DDI2: variants seen among roughly 807,000 people sequenced by gnomAD.
The protein encoded by DDI2 is protein DDI1 homolog 2.
In DDI2, 5 loss-of-function variants were observed where a neutral mutation model predicts 48.1. The ratio of observed to expected loss-of-function variants is 0.10; its 90% CI spans 0.05 to 0.22. The LOEUF is 0.22. Among genes scored for constraint, DDI2 ranks in the 10% least tolerant of loss-of-function variants. DDI2 has a pLI of 1.00. For missense variants in DDI2, 285 were observed against 506.2 expected (o/e 0.56, Z 4.19); for synonymous variants, 205 against 183.6 (o/e 1.12, Z -0.94).
chr1:15,630,555 G>C lies in DDI2; in HGVS notation c.499G>C (p.Asp167His). ...PPLAEALLSGDLEKFSRVLVE... is the reference protein window; with the variant it reads ...PPLAEALLSGHLEKFSRVLVE... ...CCTGGCAGAAGCTCTGCTCAGTGGA[G>C]ACCTTGGTAAGCTTATAAATTTGGA... Residue 167 changes from aspartate to histidine, a missense_variant, in exon 3 of 10, where the codon GAC (aspartate) becomes CAC (histidine). By Grantham distance (81) the Asp-to-His change is moderately conservative. Transcript: ENST00000480945. The C allele has an allele frequency of 6.2e-7, 1 of 1,610,884 alleles. No homozygotes were observed. Among genetic ancestry groups the C allele is most frequent in the South Asian group, 1.1e-5 (1 of 90,976 alleles).
intron 1 of DDI2, among the ~76,000 whole-genome samples, chr1:15,625,232 C>A (rs1474719212): frequency 3.9e-5 from 6 of 152,166 alleles, no homozygotes; most frequent in Admixed American, 3.9e-4. Flanking sequence ...CACCTGCTTG[C>A]TTGACACATG....
intron 9 of DDI2, among the ~76,000 whole-genome samples, chr1:15,657,222 A>C (rs1245526552): frequency 1.3e-5 from 2 of 152,188 alleles, no homozygotes; most frequent in Non-Finnish European, 2.9e-5. Context: ...GGCCTGACAG[A>C]TTTTCAGGAA....
intron 4 of DDI2, among the ~76,000 whole-genome samples, chr1:15,635,397 A>G (rs574952715): frequency 4.6e-5 from 7 of 152,122 alleles, no homozygotes; most frequent in African/African-American, 7.2e-5. Context: ...AGGGTGACAC[A>G]TCTATTCTCT....
At position 15,667,720 on chromosome 1, in the gene DDI2, T is replaced by C. The variant is rs1404740058; in HGVS notation, c.*7930T>C. The C allele has an allele frequency of 6.6e-6, 1 of 152,238 alleles. No homozygotes were observed. The highest frequency in any genetic ancestry group is 1.5e-5 in the Non-Finnish European group (1 of 68,038). 9.4% of individuals were successfully genotyped at this position (152,238 alleles called of 1,614,324 possible). A position where few individuals can be genotyped will look rare whatever the true frequency, so the allele number is the denominator to read the frequency against. On this transcript the variant is annotated 3_prime_UTR_variant, in exon 10 of 10. Transcript: ENST00000480945. Reference sequence around the variant, plus strand: ...GTTATTTTAAATGCCACATATATGTTGTAATGCTGAAGCATACAGGTAGAA... The same window carrying C: ...GTTATTTTAAATGCCACATATATGTCGTAATGCTGAAGCATACAGGTAGAA...
Position 15,660,678 on chromosome 1 carries a change from C to G in DDI2, c.*888C>G. On this transcript the variant is annotated 3_prime_UTR_variant, in exon 10 of 10. Transcript: ENST00000480945. ...TTAATTCAACAGGCAGGCAGAATGC[C>G]AATGTCAAGAACATTGGTGCATTGG... 1 of 1,614,182 alleles carries G rather than the reference C, an allele frequency of 6.2e-7. No homozygotes were observed. The highest frequency in any genetic ancestry group is 8.5e-7 in the Non-Finnish European group (1 of 1,180,042).
intron 4 of DDI2, 58 bp downstream of exon 4, chr1:15,633,623 A>G: frequency 6.3e-7 from 1 of 1,593,832 alleles, no homozygotes; most frequent in Non-Finnish European, 8.6e-7. Context: ...CCCAGACTGC[A>G]GGTTATCTGA....
At chr1:15,650,109 T>G (rs2103476969) in intron 7 of DDI2, among the ~76,000 whole-genome samples, 1 of 152,298 alleles carries the variant, frequency 6.6e-6, no homozygotes, top group South Asian at 2.1e-4. Context: ...TCTGGTTAGA[T>G]CCTGATTAGT....
At chr1:15,622,903 C>T (rs916711642) in intron 1 of DDI2, among the ~76,000 whole-genome samples, 2 of 152,172 alleles carry the variant, frequency 1.3e-5, no homozygotes, top group Admixed American at 1.3e-4. Context: ...GCTGCTGCTT[C>T]GTCAGTGTGA....
At chr1:15,638,048 T>C (rs1405757810) in intron 4 of DDI2, among the ~76,000 whole-genome samples, 1 of 152,216 alleles carries the variant, frequency 6.6e-6, no homozygotes, top group African/African-American at 2.4e-5. Context: ...CTCCAGTTTC[T>C]TATTTCTGAG....
chr1:15,633,081 A>G (rs1639872271), intron 3 of DDI2, among the ~76,000 whole-genome samples: 1 of 151,480 alleles, frequency 6.6e-6, no homozygotes, highest in South Asian at 2.1e-4. Context: ...GGCATGCACC[A>G]CCACGCCCAA....
intron 2 of DDI2, among the ~76,000 whole-genome samples, chr1:15,629,820 C>T (rs1639815268): frequency 6.6e-6 from 1 of 151,592 alleles, no homozygotes; most frequent in African/African-American, 2.4e-5. Context: ...CAACCTCCAC[C>T]TCCCGGGTTC....
At chr1:15,652,082 T>G (rs1036528099) in intron 8 of DDI2, among the ~76,000 whole-genome samples, 187 bp downstream of exon 8, 5 of 119,048 alleles carry the variant, frequency 4.2e-5, no homozygotes, top group Admixed American at 8.2e-5. Flanking sequence ...TTTTTTTTTT[T>G]GGAGACATTG....
chr1:15,648,898 A>G (rs1640132499), intron 6 of DDI2, among the ~76,000 whole-genome samples: 1 of 151,566 alleles, frequency 6.6e-6, no homozygotes, highest in African/African-American at 2.4e-5. Flanking sequence ...AGATTTTAGC[A>G]GAAAATACAC....
chr1:15,619,817 T>C (rs1370388927), intron 1 of DDI2, among the ~76,000 whole-genome samples: 5 of 152,066 alleles, frequency 3.3e-5, no homozygotes, highest in African/African-American at 9.7e-5. Flanking sequence ...CACCGGCTGG[T>C]AGGGAAAATA....
Position 15,660,067 on chromosome 1 carries a change from GA to G in DDI2, c.*281del. On this transcript the variant is annotated 3_prime_UTR_variant, in exon 10 of 10. Transcript: ENST00000480945. Reference sequence around the variant, plus strand: ...TTCAGCTGAATTCCAGCTAAACTCTGAAAAGAAAGAACATCTTTCTTTACAA... The same window carrying G: ...TTCAGCTGAATTCCAGCTAAACTCTGAAAGAAAGAACATCTTTCTTTACAA... The G allele has an allele frequency of 6.2e-7, 1 of 1,613,876 alleles. No individual in the cohort carries two copies. The highest frequency in any genetic ancestry group is 8.5e-7 in the Non-Finnish European group (1 of 1,179,940).
intron 6 of DDI2, among the ~76,000 whole-genome samples, chr1:15,649,288 G>A (rs576840952): frequency 3.3e-5 from 5 of 152,284 alleles, no homozygotes; most frequent in African/African-American, 1.2e-4. Flanking sequence ...AGAGAACACA[G>A]GAGGCAGAGG....
intron 1 of DDI2, 60 bp from the exon 2 acceptor site, chr1:15,626,609 T>A: frequency 6.3e-7 from 1 of 1,596,166 alleles, no homozygotes; most frequent in South Asian, 1.1e-5. Context: ...CTGGTCCTTC[T>A]GCCTTGCGCT....
rs1451569241 is a variant in DDI2, at chr1:15,668,888, T to C, written c.*9098T>C. 1.3e-5 allele frequency: 2 copies of C among 152,212 alleles called. No individual in the cohort carries two copies. The highest frequency in any genetic ancestry group is 2.9e-5 in the Non-Finnish European group (2 of 68,042). The allele number at this position is 152,212 out of a possible 1,614,324, so 9.4% of individuals were successfully genotyped here. A position where few individuals can be genotyped will look rare whatever the true frequency, so the allele number is the denominator to read the frequency against. On this transcript the variant is annotated 3_prime_UTR_variant, in exon 10 of 10. Transcript: ENST00000480945. Reference sequence around the variant, plus strand: ...TCTGAAACTGAGTGAGCTAGATGCATTTGGGTTTGAATTTTTGTCACATAC... The same window carrying C: ...TCTGAAACTGAGTGAGCTAGATGCACTTGGGTTTGAATTTTTGTCACATAC...
intron 4 of DDI2, among the ~76,000 whole-genome samples, chr1:15,637,514 C>A (rs1431464851): frequency 1.3e-5 from 2 of 151,932 alleles, no homozygotes; most frequent in Non-Finnish European, 2.9e-5. Context: ...ATTACAGGTG[C>A]ATGCCACCAT....
Sources: allele counts gnomAD v4.1 joint callset (sites outside exome capture counted in the v4.1 genomes callset), GRCh38; gene constraint gnomAD v4.1.1; transcripts MANE v1.5; gene names NCBI Gene and HGNC (gene_info 2026-07-23, HGNC 2026-07-21).